Variants in DRC3 observed in about 807,000 individuals in gnomAD.
The protein encoded by DRC3 is dynein regulatory complex subunit 3.
DRC3 carries 45 observed loss-of-function variants against 57.6 expected under a neutral mutation model. The ratio of observed to expected loss-of-function variants is 0.78; its 90% CI spans 0.62 to 1.00. The LOEUF (loss-of-function observed/expected upper bound fraction) is 1.00. DRC3 is among the 50% of genes least tolerant of loss of function. The probability of loss-of-function intolerance (pLI) is 0.00; values close to 1 mark genes in which losing one functional copy is unlikely to be tolerated. For synonymous variants in DRC3, 257 were observed against 272.3 expected, an observed-to-expected ratio of 0.94 and a Z score of 0.55; for missense variants, 655 against 675.2, an observed-to-expected ratio of 0.97 and a Z score of 0.33.
intron 12 of DRC3, 140 bp from the exon 13 acceptor site, chr17:18,015,924 C>T (rs918968022): frequency 5.4e-5 from 44 of 809,314 alleles, no homozygotes; most frequent in Non-Finnish European, 7.4e-5. Context: ...CGGCAGAGTG[C>T]GCTGATACAA....
At chr17:17,976,430 A>G in intron 2 of DRC3, among the ~76,000 whole-genome samples, 1 of 152,238 alleles carries the variant, frequency 6.6e-6, no homozygotes, top group East Asian at 1.9e-4. Context: ...CTGTAATCCC[A>G]GCACTTTGGG....
chr17:17,974,874 A>G (rs569311380), intron 2 of DRC3, among the ~76,000 whole-genome samples: 1 of 152,334 alleles, frequency 6.6e-6, no homozygotes, highest in South Asian at 2.1e-4. Flanking sequence ...TTCACAGCAT[A>G]TAGCAGTTAC....
At position 18,007,624 on chromosome 17, in the gene DRC3, G is replaced by A. The variant is rs144046159; in HGVS notation, c.1326+477G>A. ...GAATGGTCACAAAATCAGCAGGGTC[G>A]GCCTGAGGAACCTGGCTCCATCCCT... is the stretch of plus-strand genomic sequence containing the variant. On this transcript the variant is annotated intron_variant, in intron 12 of 13. Transcript: ENST00000399187. The A allele has an allele frequency of 1.2e-4, 172 of 1,411,490 alleles. 1 individual carries two copies. In the East Asian group the frequency reaches 4.5e-3, roughly 37 times the overall value. The allele number at this position is 1,411,490 out of a possible 1,614,324, so 87.4% of individuals were successfully genotyped here.
At chr17:17,991,217 G>T in intron 5 of DRC3, among the ~76,000 whole-genome samples, 1 of 149,754 alleles carries the variant, frequency 6.7e-6, no homozygotes. Flanking sequence ...ACTCAGAAAA[G>T]CATGCTAGAT....
chr17:18,000,376 G>C (rs892459589), intron 9 of DRC3, among the ~76,000 whole-genome samples: 4 of 151,920 alleles, frequency 2.6e-5, no homozygotes, highest in African/African-American at 9.7e-5. Flanking sequence ...GTGTGTGTGT[G>C]TGTGTGCATA....
intron 6 of DRC3, chr17:17,993,257 G>A (rs752968744): frequency 1.2e-4 from 24 of 195,562 alleles, no homozygotes; most frequent in Non-Finnish European, 2.2e-4. Context: ...AGGCTGAGGC[G>A]GGAGGATCGC....
intron 5 of DRC3, among the ~76,000 whole-genome samples, chr17:17,991,364 C>G (rs2043219163): frequency 7.5e-6 from 1 of 134,218 alleles, no homozygotes; most frequent in African/African-American, 2.8e-5. Flanking sequence ...AATCTCGGCT[C>G]ACTGCAACCT....
rs765775066 is a variant in DRC3, at chr17:18,016,182, G to A, written c.1445G>A (p.Arg482His). 1.6e-5 allele frequency: 26 copies of A among 1,613,854 alleles called. No homozygotes were observed. The highest frequency in any genetic ancestry group is 4.5e-5 in the East Asian group (2 of 44,896). Residue 482 changes from arginine (R) to histidine (H), a missense_variant, in exon 13 of 14, where the codon CGT (arginine) becomes CAT (histidine). Arg to His is a conservative substitution (Grantham distance 29). Coordinates refer to ENST00000399187, the MANE Select transcript of DRC3 (RefSeq NM_031294.4). ...ACCAGAATCAACTCTTGGTGTACAC[G>A]TTTAATAGACAGGGTGAGTCAATCC... ...LVTRINSWCTRLIDRIHKDEI... is the reference protein window; with the variant it reads ...LVTRINSWCTHLIDRIHKDEI...
chr17:18,003,218 C>T (rs1343512178), intron 9 of DRC3, among the ~76,000 whole-genome samples: 2 of 152,134 alleles, frequency 1.3e-5, no homozygotes, highest in Non-Finnish European at 2.9e-5. Flanking sequence ...GGCACAGTGG[C>T]TCACACCTGT....
chr17:17,986,427 G>A (rs1408697520), intron 4 of DRC3, among the ~76,000 whole-genome samples: 1 of 151,506 alleles, frequency 6.6e-6, no homozygotes, highest in Non-Finnish European at 1.5e-5. Flanking sequence ...TGCGGAGGAG[G>A]CTATATTAAG....
At chr17:18,010,939 GTT>G in intron 12 of DRC3, 1 of 235,660 alleles carries the variant, frequency 4.2e-6, no homozygotes, top group South Asian at 4.4e-5. Context: ...CAAGGATGAG[GTT>G]TTTTTTTTGT....
intron 12 of DRC3, chr17:18,007,902 G>A: frequency 1.0e-6 from 1 of 979,926 alleles, no homozygotes; most frequent in South Asian, 4.5e-5. Context: ...GGCCTGGACT[G>A]CTTGCCTCTT....
At chr17:17,992,999 C>A in intron 6 of DRC3, 88 bp downstream of exon 6, 1 of 1,416,758 alleles carries the variant, frequency 7.1e-7, no homozygotes, top group Non-Finnish European at 9.8e-7. Context: ...TGAAGAGTAG[C>A]TTCCCCTGCC....
chr17:17,982,125 T>C (rs1330168407), intron 3 of DRC3, among the ~76,000 whole-genome samples: 1 of 152,024 alleles, frequency 6.6e-6, no homozygotes, highest in Non-Finnish European at 1.5e-5. Flanking sequence ...CCAGAGTAGC[T>C]GGGATTACAA....
chr17:18,012,141 AAAAC>A, intron 12 of DRC3, among the ~76,000 whole-genome samples: 1 of 152,356 alleles, frequency 6.6e-6, no homozygotes, highest in African/African-American at 2.4e-5. Context: ...AAGCCTGTTT[AAAAC>A]AAACAAAAAC....
chr17:17,976,173 G>A (rs1243825712), intron 2 of DRC3, among the ~76,000 whole-genome samples: 1 of 152,156 alleles, frequency 6.6e-6, no homozygotes, highest in Non-Finnish European at 1.5e-5. Flanking sequence ...ACAAAGATAG[G>A]AAGTAGGGCC....
At chr17:18,015,994 C>T in intron 12 of DRC3, 70 bp from the exon 13 acceptor site, 1 of 1,557,626 alleles carries the variant, frequency 6.4e-7, no homozygotes, top group Non-Finnish European at 8.8e-7. Context: ...TGCTCCTTCT[C>T]TGTTCAGCTC....
chr17:17,982,246 C>T (rs1375779893), intron 3 of DRC3, among the ~76,000 whole-genome samples: 10 of 149,624 alleles, frequency 6.7e-5, no homozygotes, highest in Admixed American at 4.0e-4. Flanking sequence ...GATGGAGTCT[C>T]GCTCTGTCGC....
At chr17:18,000,078 G>A (rs1036940486) in intron 9 of DRC3, among the ~76,000 whole-genome samples, 6 of 70,544 alleles carry the variant, frequency 8.5e-5, no homozygotes, top group East Asian at 6.2e-4. Flanking sequence ...CTTTGCTTTC[G>A]TGTGTGTGTG....
Sources: allele counts gnomAD v4.1 joint callset (sites outside exome capture counted in the v4.1 genomes callset), GRCh38; gene constraint gnomAD v4.1.1; transcripts MANE v1.5; gene names NCBI Gene and HGNC (gene_info 2026-07-23, HGNC 2026-07-21).